The following THSD4 variants were observed in gnomAD, a reference collection of about 807,000 sequenced individuals.
THSD4 encodes thrombospondin type 1 domain containing 4, also known as thrombospondin type-1 domain-containing protein 4.
THSD4 carries 69 observed loss-of-function variants against 119.0 expected under a neutral mutation model. That is an observed-to-expected ratio of 0.58 (90% CI 0.48 to 0.71). THSD4 has a LOEUF of 0.71. THSD4 is among the 30% of genes least tolerant of loss of function. The pLI is 0.00. For synonymous variants in THSD4, 524 were observed against 540.4 expected (o/e 0.97, Z 0.42); for missense variants, 1,393 against 1,391.1 (o/e 1.00, Z -0.02).
chr15:71,425,757 T>A (rs1389215691), intron 7 of THSD4, among the ~76,000 whole-genome samples: 1 of 152,216 alleles, frequency 6.6e-6, no homozygotes, highest in East Asian at 1.9e-4. Context: ...GTACTCAATA[T>A]GTTGAATTTC....
At chr15:71,098,452 C>T (rs2040241059) in intron 1 of THSD4, among the ~76,000 whole-genome samples, 1 of 151,992 alleles carries the variant, frequency 6.6e-6, no homozygotes, top group South Asian at 2.1e-4. Context: ...TTTGTAGAGA[C>T]AGGATTTTGC....
intron 7 of THSD4, among the ~76,000 whole-genome samples, chr15:71,522,254 G>A (rs2140788627): frequency 6.6e-6 from 1 of 152,156 alleles, no homozygotes; most frequent in Non-Finnish European, 1.5e-5. Flanking sequence ...CATTATCTGT[G>A]TACTTTATTT....
At chr15:71,515,202 C>G (rs4534792) in intron 7 of THSD4, among the ~76,000 whole-genome samples, 149,789 of 152,324 alleles carry the variant, frequency 0.98, 73,700 homozygotes, top group East Asian at 1. Context: ...CTATAACTTT[C>G]GTCCCTGTGC....
chr15:71,278,414 G>A (rs554774153), intron 6 of THSD4, among the ~76,000 whole-genome samples: 1 of 152,068 alleles, frequency 6.6e-6, no homozygotes, highest in South Asian at 2.1e-4. Context: ...TGAACTCCTA[G>A]GCTCAAGCAA....
chr15:71,111,586 G>T, upstream of THSD4: 1 of 623,098 alleles, frequency 1.6e-6, no homozygotes, highest in Non-Finnish European at 2.8e-6. Context: ...TATTTGCTGG[G>T]CACAGGCTTG....
intron 8 of THSD4, among the ~76,000 whole-genome samples, chr15:71,696,965 G>A (rs1379223964): frequency 1.3e-5 from 2 of 152,210 alleles, no homozygotes; most frequent in Non-Finnish European, 2.9e-5. Flanking sequence ...CAGTGTACAG[G>A]ACAGTCACAA....
chr15:71,370,597 T>G (rs1215403988), intron 6 of THSD4, among the ~76,000 whole-genome samples: 1 of 152,170 alleles, frequency 6.6e-6, no homozygotes, highest in Non-Finnish European at 1.5e-5. Context: ...CGGTTTTGAG[T>G]GAGTTTCTTA....
intron 14 of THSD4, among the ~76,000 whole-genome samples, chr15:71,754,349 G>A (rs897437399): frequency 1.3e-5 from 2 of 151,886 alleles, no homozygotes; most frequent in Admixed American, 6.6e-5. Context: ...CTCAGCCTCC[G>A]AAAGTGCTGG....
In THSD4 at chr15:71,765,111, A is replaced by T; in HGVS notation, c.2681A>T (p.Glu894Val). 1 of 1,614,218 alleles carries T rather than the reference A, an allele frequency of 6.2e-7. No individual in the cohort carries two copies. The highest frequency in any genetic ancestry group is 8.5e-7 in the Non-Finnish European group (1 of 1,180,038). ...ACCTTTGAAGTGTTGGACCCCTCTG[A>T]ATGTTCTTTCCTGGAGAAACCCCCC... ...ADTFEVLDPS[E>V]CSFLEKPPSQ... The change falls in exon 16 of 18, where the codon GAA becomes GTA. Residue 894 changes from glutamate (E) to valine (V), a missense_variant. Glu to Val is a moderately radical substitution (Grantham distance 121, BLOSUM62 -2). Transcript: ENST00000261862.
intron 4 of THSD4, among the ~76,000 whole-genome samples, chr15:71,216,330 C>G (rs2043932181): frequency 6.6e-6 from 1 of 152,254 alleles, no homozygotes; most frequent in South Asian, 2.1e-4. Flanking sequence ...CTGCCTTGCC[C>G]CCTTGCCCAC....
At chr15:71,259,598 G>A (rs1444218666) in intron 6 of THSD4, among the ~76,000 whole-genome samples, 1 of 152,194 alleles carries the variant, frequency 6.6e-6, no homozygotes, top group Admixed American at 6.5e-5. Context: ...GTGGTTCTCA[G>A]CCCTGGTTGC....
intron 6 of THSD4, among the ~76,000 whole-genome samples, chr15:71,349,263 A>G (rs1481920598): frequency 3.3e-5 from 5 of 152,264 alleles, no homozygotes; most frequent in Admixed American, 3.3e-4. Flanking sequence ...TAAATTGGAT[A>G]CAGAAGTGGC....
chr15:71,762,141 G>A (rs533812839), intron 15 of THSD4, among the ~76,000 whole-genome samples: 13 of 138,162 alleles, frequency 9.4e-5, no homozygotes, highest in East Asian at 8.1e-4. Context: ...TGTCTCATGC[G>A]CGTGTGCAAA....
intron 8 of THSD4, among the ~76,000 whole-genome samples, chr15:71,669,137 A>G (rs1296682534): frequency 6.6e-6 from 1 of 152,188 alleles, no homozygotes; most frequent in African/African-American, 2.4e-5. Context: ...ACATGAAATA[A>G]TTCTTTCTTC....
intron 6 of THSD4, among the ~76,000 whole-genome samples, chr15:71,259,275 C>T (rs2044361555): frequency 2.6e-5 from 4 of 152,100 alleles, no homozygotes; most frequent in African/African-American, 9.7e-5. Flanking sequence ...AAGGAAGCAT[C>T]CTTGCCTAGA....
At chr15:71,448,174 T>C (rs1041928963) in intron 7 of THSD4, among the ~76,000 whole-genome samples, 3 of 152,218 alleles carry the variant, frequency 2.0e-5, no homozygotes, top group African/African-American at 7.2e-5. Flanking sequence ...TAAAAGTTGT[T>C]ATGTGGAAGT....
chr15:71,217,210 G>A (rs111602250), intron 4 of THSD4, among the ~76,000 whole-genome samples: 5 of 152,234 alleles, frequency 3.3e-5, no homozygotes, highest in East Asian at 3.9e-4. Context: ...TTCTTCCGTC[G>A]TATGGGACAG....
intron 7 of THSD4, among the ~76,000 whole-genome samples, chr15:71,519,490 T>C (rs979237842): frequency 1.3e-5 from 2 of 152,094 alleles, no homozygotes; most frequent in African/African-American, 2.4e-5. Context: ...GCCTCCCAAG[T>C]AGCTGGGATT....
intron 7 of THSD4, among the ~76,000 whole-genome samples, chr15:71,611,192 T>C (rs550954016): frequency 5.9e-5 from 9 of 152,344 alleles, no homozygotes; most frequent in Admixed American, 5.9e-4. Flanking sequence ...ATGCCACAAA[T>C]AGCAGAGACA....
Sources: gnomAD v4.1 joint callset for allele counts (sites outside exome capture counted in the v4.1 genomes callset) on GRCh38, gnomAD v4.1.1 for gene constraint, MANE v1.5 for transcripts, NCBI Gene and HGNC (gene_info 2026-07-23, HGNC 2026-07-21) for gene names.